Variants in BNIP2 observed in about 807,000 individuals in gnomAD.
BNIP2 encodes BCL2 interacting protein 2, also known as BCL2/adenovirus E1B 19 kDa protein-interacting protein 2.
BNIP2 carries 36 observed loss-of-function variants against 43.4 expected under a neutral mutation model. The ratio of observed to expected loss-of-function variants is 0.83; its 90% confidence interval spans 0.64 to 1.10. The LOEUF (loss-of-function observed/expected upper bound fraction) is 1.10. Among genes scored for constraint, BNIP2 ranks in the 50% least tolerant of loss-of-function variants. BNIP2 has a pLI of 0.00. For missense variants in BNIP2, 417 were observed against 374.1 expected, an observed-to-expected ratio of 1.11 and a Z score of -0.95; for synonymous variants, 146 against 121.0, an observed-to-expected ratio of 1.21 and a Z score of -1.35.
chr15:59,676,348 TA>T (rs1299959509), intron 5 of BNIP2, among the ~76,000 whole-genome samples: 3 of 151,994 alleles, frequency 2.0e-5, no homozygotes, highest in Non-Finnish European at 2.9e-5. Flanking sequence ...TAATTTTATT[TA>T]TTTTTTTATT....
chr15:59,663,239 T>C lies in BNIP2; in HGVS notation c.*830A>G, dbSNP rs957967925. ...GGAGCAATACCCTGGACACATAGCT[T>C]ATTTCACATTAGTGAACAAACTCAA... On this transcript the variant is annotated 3_prime_UTR_variant, in exon 10 of 10. Transcript: ENST00000607373. The C allele has an allele frequency of 5.9e-5, 9 of 152,540 alleles. No homozygotes were observed. The highest frequency in any genetic ancestry group is 5.2e-4 in the Admixed American group (8 of 15,284). 9.4% of individuals were successfully genotyped at this position (152,540 alleles called of 1,614,324 possible).
At chr15:59,669,625 C>T (rs1236024174) in intron 7 of BNIP2, among the ~76,000 whole-genome samples, 4 of 152,216 alleles carry the variant, frequency 2.6e-5, no homozygotes, top group African/African-American at 9.7e-5. Context: ...TACACATTCA[C>T]TTGTCTTCAG....
At chr15:59,677,859 A>AT in intron 5 of BNIP2, 52 bp downstream of exon 5, 2 of 1,549,172 alleles carry the variant, frequency 1.3e-6, no homozygotes, top group Non-Finnish European at 1.7e-6. Context: ...CCAAAAAAAA[A>AT]AGAATTCTGA....
chr15:59,664,033 C>G lies in BNIP2; in HGVS notation c.*36G>C, dbSNP rs1034903575. ...TGCAGAAACAGCACTGCTCCATCAGCACATTCTTCAGTCTTGTTTGGACTA... is the reference window on the plus strand; with the variant it reads ...TGCAGAAACAGCACTGCTCCATCAGGACATTCTTCAGTCTTGTTTGGACTA... On this transcript the variant is annotated 3_prime_UTR_variant, in exon 10 of 10. Transcript: ENST00000607373. 1.3e-6 allele frequency: 2 copies of G among 1,487,396 alleles called. No homozygotes were observed. Among genetic ancestry groups the G allele is most frequent in the Non-Finnish European group, 1.8e-6 (2 of 1,102,288 alleles). 92.1% of individuals were successfully genotyped at this position (1,487,396 alleles called of 1,614,324 possible). A position where few individuals can be genotyped will look rare whatever the true frequency, so the allele number is the denominator to read the frequency against.
chr15:59,683,141 AC>A (rs1482447025), intron 1 of BNIP2, among the ~76,000 whole-genome samples: 6 of 152,240 alleles, frequency 3.9e-5, no homozygotes, highest in Non-Finnish European at 8.8e-5. Flanking sequence ...CAAACACTGA[AC>A]TTGGTGAATG....
Position 59,688,926 on chromosome 15 carries a change from G to A in BNIP2, c.-58+209C>T, listed in dbSNP as rs1894203186. 30 of 1,456,182 alleles carry A rather than the reference G, an allele frequency of 2.1e-5. No homozygotes were observed. The South Asian group carries it at 4.1e-4, about 20-fold the overall frequency. The allele number at this position is 1,456,182 out of a possible 1,614,324, so 90.2% of individuals were successfully genotyped here. A position where few individuals can be genotyped will look rare whatever the true frequency, so the allele number is the denominator to read the frequency against. ...GGGGCCAAACTGCCAAATACAAACA[G>A]GACCCAAGCCAAGGGCGGGGACCTA... On this transcript the variant is annotated intron_variant, in intron 1 of 9. Coordinates refer to ENST00000607373, the MANE Select transcript of BNIP2 (RefSeq NM_004330.4).
At chr15:59,675,022 G>A (rs192618957) in intron 5 of BNIP2, among the ~76,000 whole-genome samples, 14 of 151,924 alleles carry the variant, frequency 9.2e-5, no homozygotes, top group African/African-American at 2.9e-4. Flanking sequence ...AGGCTGAGGC[G>A]GGCAGATCAC....
At position 59,671,264 on chromosome 15, in the gene BNIP2, A is replaced by C. The variant is rs1225554498; in HGVS notation, c.626T>G (p.Val209Gly). Reference sequence around the variant, plus strand: ...TCGAGTTGTTGCACCATTTAAATAAACTATCATGTAGTTTTCTGCTACTAA... The same window carrying C: ...TCGAGTTGTTGCACCATTTAAATAACCTATCATGTAGTTTTCTGCTACTAA... ...ELLVAENYMIVYLNGATTRRK... is the reference protein window; with the variant it reads ...ELLVAENYMIGYLNGATTRRK... Residue 209 changes from valine to glycine, a missense_variant, in exon 7 of 10, where the codon GTT becomes GGT. Val to Gly is a moderately radical substitution (Grantham distance 109). Transcript: ENST00000607373. 1.3e-6 allele frequency: 2 copies of C among 1,597,838 alleles called. No individual in the cohort carries two copies. Among genetic ancestry groups the C allele is most frequent in the South Asian group, 1.1e-5 (1 of 88,772 alleles).
intron 2 of BNIP2, among the ~76,000 whole-genome samples, chr15:59,681,161 C>T (rs1421758900): frequency 6.6e-6 from 1 of 152,118 alleles, no homozygotes; most frequent in Non-Finnish European, 1.5e-5. Flanking sequence ...TTACTATCAC[C>T]ACCATATGCA....
At chr15:59,669,243 A>T in intron 8 of BNIP2, 33 bp downstream of exon 8, 1 of 1,424,426 alleles carries the variant, frequency 7.0e-7, no homozygotes, top group South Asian at 1.4e-5. Flanking sequence ...AATAAAAAAA[A>T]TAAAATTAAA....
intron 1 of BNIP2, among the ~76,000 whole-genome samples, chr15:59,685,135 T>C (rs1893930202): frequency 6.6e-6 from 1 of 152,234 alleles, no homozygotes; most frequent in Non-Finnish European, 1.5e-5. Context: ...AAGGTTTATC[T>C]TGGGAAATTC....
chr15:59,679,357 A>G, intron 4 of BNIP2: 1 of 367,830 alleles, frequency 2.7e-6, no homozygotes, highest in Non-Finnish European at 4.8e-6. Context: ...CATAATTATC[A>G]AGAAATATTT....
intron 3 of BNIP2, 67 bp downstream of exon 3, chr15:59,680,168 TGGACAA>T: frequency 8.4e-7 from 1 of 1,188,314 alleles, no homozygotes; most frequent in Non-Finnish European, 1.1e-6. Context: ...TTTTTTTTTT[TGGACAA>T]AGAAACGTGT....
chr15:59,681,814 T>C (rs1402909277), intron 2 of BNIP2, among the ~76,000 whole-genome samples: 1 of 152,108 alleles, frequency 6.6e-6, no homozygotes, highest in Non-Finnish European at 1.5e-5. Flanking sequence ...TCAGATCTTG[T>C]TTAAATGAAA....
rs764316738 is a variant in BNIP2 at position 59,671,182 on chromosome 15, C to T, written c.707+1G>A. On this transcript the variant is annotated splice_donor_variant, in intron 7 of 9. Coordinates refer to ENST00000607373, the MANE Select transcript of BNIP2 (RefSeq NM_004330.4). LOFTEE classifies it high-confidence loss of function. ...TAGCTTTCAACTTGTATTTGTATTA[C>T]CTTCTATCAATTTGCTGATAACATT... is the stretch of plus-strand genomic sequence containing the variant. The T allele has an allele frequency of 1.3e-6, 2 of 1,590,690 alleles. No homozygotes were observed. The highest frequency in any genetic ancestry group is 1.8e-5 in the Admixed American group (1 of 56,616).
rs1892210187 is a variant in BNIP2 at position 59,660,721 on chromosome 15, G to A, written c.*3348C>T. 6.6e-6 allele frequency: 1 copy of A among 152,070 alleles called. No homozygotes were observed. Among genetic ancestry groups the A allele is most frequent in the Non-Finnish European group, 1.5e-5 (1 of 68,012 alleles). The allele number at this position is 152,070 out of a possible 1,614,324, so 9.4% of individuals were successfully genotyped here. A position where few individuals can be genotyped will look rare whatever the true frequency, so the allele number is the denominator to read the frequency against. On this transcript the variant is annotated 3_prime_UTR_variant, in exon 10 of 10. Transcript: ENST00000607373. ...GCCAATCAGCATATTTCAGTATTCAGTGCACTTACTAGTGATGTCCATTTT... is the reference window on the plus strand; with the variant it reads ...GCCAATCAGCATATTTCAGTATTCAATGCACTTACTAGTGATGTCCATTTT...
chr15:59,680,305 A>G lies in BNIP2; in HGVS notation c.54T>C (p.Pro18=). ...CTTCAATACTATCATCTTCTGGTAAAGGTCTAGAAGACACAGGCATACTTT... is the reference window on the plus strand; with the variant it reads ...CTTCAATACTATCATCTTCTGGTAAGGGTCTAGAAGACACAGGCATACTTT... ...EEWQDEDFPI[P]LPEDDSIEAD... The change falls in exon 3 of 10, where the codon CCT becomes CCC. Residue 18 remains proline (P), a synonymous_variant. Coordinates refer to ENST00000607373, the MANE Select transcript of BNIP2 (RefSeq NM_004330.4). 1.3e-6 allele frequency: 2 copies of G among 1,595,438 alleles called. No homozygotes were observed. The highest frequency in any genetic ancestry group is 1.7e-6 in the Non-Finnish European group (2 of 1,170,260).
intron 1 of BNIP2, among the ~76,000 whole-genome samples, chr15:59,687,090 T>C (rs1270323699): frequency 1.3e-5 from 2 of 152,148 alleles, no homozygotes; most frequent in East Asian, 3.9e-4. Flanking sequence ...CTGAGTTCTC[T>C]CGAAATTGTG....
At chr15:59,677,304 A>G in intron 5 of BNIP2, 1 of 1,578,424 alleles carries the variant, frequency 6.3e-7, no homozygotes, top group Non-Finnish European at 8.6e-7. Flanking sequence ...CCAGAAAGCC[A>G]CATCAACAAG....
Sources: gnomAD v4.1 joint callset for allele counts (sites outside exome capture counted in the v4.1 genomes callset) on GRCh38, gnomAD v4.1.1 for gene constraint, MANE v1.5 for transcripts, NCBI Gene and HGNC (gene_info 2026-07-23, HGNC 2026-07-21) for gene names.